CPEB3: variants seen among roughly 807,000 people sequenced by gnomAD.
CPEB3 encodes cytoplasmic polyadenylation element binding protein 3.
CPEB3 carries 20 observed loss-of-function variants against 67.2 expected under a neutral mutation model. The ratio of observed to expected loss-of-function variants is 0.30; its 90% CI spans 0.21 to 0.43. CPEB3 has a LOEUF of 0.43. CPEB3 is among the 20% of genes least tolerant of loss of function. The pLI, the probability that CPEB3 is intolerant of heterozygous loss-of-function variation, is 1.00. For synonymous variants in CPEB3, 376 were observed against 393.1 expected, an observed-to-expected ratio of 0.96 and a Z score of 0.51; for missense variants, 746 against 968.6, an observed-to-expected ratio of 0.77 and a Z score of 3.05.
intron 4 of CPEB3, among the ~76,000 whole-genome samples, chr10:92,166,192 T>A (rs1471354361): frequency 2.0e-5 from 3 of 151,978 alleles, no homozygotes; most frequent in African/African-American, 7.2e-5. Flanking sequence ...CACTGCCACT[T>A]CCGTCTCCCG....
In CPEB3 at chr10:92,052,460, C is replaced by CAT. The variant is rs1419215813; in HGVS notation, c.1870-22_1870-21insAT. On this transcript the variant is annotated intron_variant, in intron 9 of 9. Transcript: ENST00000265997. Reference sequence around the variant, plus strand: ...TCAACCTGGACCCAAAGAGGAAAGACAGAGAAAAATGATTTAGCAAAGCTT... The same window carrying CAT: ...TCAACCTGGACCCAAAGAGGAAAGACATAGAGAAAAATGATTTAGCAAAGCTT... The CAT allele has an allele frequency of 1.9e-6, 3 of 1,591,448 alleles. No individual in the cohort carries two copies. In the Admixed American group the frequency reaches 5.0e-5, roughly 27 times the overall value.
Position 92,091,778 on chromosome 10 carries a change from G to C in CPEB3, c.1687+52C>G, listed in dbSNP as rs149011392. On this transcript the variant is annotated intron_variant, in intron 8 of 9. Transcript: ENST00000265997. ...AAAATATTTAAGACTAAAGGCATTG[G>C]GGATTTTGTTGTTGTTGGTTTTGTT... The C allele has an allele frequency of 1.2e-3, 1,346 of 1,094,776 alleles. 12 individuals are homozygous for C. In the East Asian group the frequency reaches 0.015, roughly 12 times the overall value. The allele number at this position is 1,094,776 out of a possible 1,614,324, so 67.8% of individuals were successfully genotyped here.
intron 3 of CPEB3, among the ~76,000 whole-genome samples, chr10:92,187,165 TC>T (rs1330776786): frequency 6.6e-6 from 1 of 152,212 alleles, no homozygotes; most frequent in African/African-American, 2.4e-5. Context: ...GAAAAATGCC[TC>T]TATAACACCA....
chr10:92,121,021 CTTTT>C (rs1845345328), intron 6 of CPEB3, among the ~76,000 whole-genome samples: 2 of 130,158 alleles, frequency 1.5e-5, no homozygotes, highest in African/African-American at 6.1e-5. Flanking sequence ...TTTTTTTTTT[CTTTT>C]TGAGATGGAG....
chr10:92,133,768 A>G (rs1012693852), intron 6 of CPEB3, among the ~76,000 whole-genome samples: 2 of 152,220 alleles, frequency 1.3e-5, no homozygotes, highest in Admixed American at 6.5e-5. Context: ...AATCCTCAAT[A>G]AAATACTGGC....
chr10:92,111,067 A>G lies in CPEB3; in HGVS notation c.1572+9T>C, dbSNP rs747702289. 5.7e-6 allele frequency: 9 copies of G among 1,574,130 alleles called. No homozygotes were observed. In the South Asian group the frequency reaches 7.8e-5, roughly 14 times the overall value. On this transcript the variant is annotated intron_variant, in intron 7 of 9. Coordinates refer to ENST00000265997, the MANE Select transcript of CPEB3 (RefSeq NM_014912.5). ...CTGGAAAAGCAACAGCTGGCCATGT[A>G]TTACTTACTGGCTTGTCCTTGATGG...
chr10:92,179,376 C>G (rs949192566), intron 4 of CPEB3, among the ~76,000 whole-genome samples: 1 of 152,196 alleles, frequency 6.6e-6, no homozygotes, highest in African/African-American at 2.4e-5. Context: ...TCCTCTCCCT[C>G]TTGCAGAAGA....
At chr10:92,188,443 T>G (rs1233821965) in intron 3 of CPEB3, among the ~76,000 whole-genome samples, 2 of 150,400 alleles carry the variant, frequency 1.3e-5, no homozygotes, top group African/African-American at 4.9e-5. Flanking sequence ...TTAGTCCGGC[T>G]GGGCGCAGTG....
intron 2 of CPEB3, among the ~76,000 whole-genome samples, chr10:92,199,470 A>T (rs1849404850): frequency 6.6e-6 from 1 of 151,382 alleles, no homozygotes; most frequent in Admixed American, 6.6e-5. Context: ...GATCAAGTAG[A>T]TCAAGAGGTC....
chr10:92,253,657 C>G (rs1852401508), intron 1 of CPEB3, among the ~76,000 whole-genome samples: 2 of 151,906 alleles, frequency 1.3e-5, no homozygotes. Context: ...GTGGAATCAT[C>G]ACCAAAGCCC....
intron 4 of CPEB3, among the ~76,000 whole-genome samples, chr10:92,161,201 T>C (rs964217201): frequency 4.6e-5 from 7 of 152,122 alleles, no homozygotes; most frequent in African/African-American, 1.4e-4. Flanking sequence ...GGATGGCATA[T>C]GGGATAGGTA....
At chr10:92,112,686 G>A (rs1051369847) in intron 6 of CPEB3, among the ~76,000 whole-genome samples, 6 of 152,180 alleles carry the variant, frequency 3.9e-5, no homozygotes, top group Non-Finnish European at 8.8e-5. Flanking sequence ...GCAAAGGCCC[G>A]TCATGAACTA....
chr10:92,110,996 C>T (rs1844711121), intron 7 of CPEB3, 80 bp downstream of exon 7: 1 of 1,017,166 alleles, frequency 9.8e-7, no homozygotes, highest in African/African-American at 1.6e-5. Flanking sequence ...ACCAGCATTT[C>T]CATTATCAGA....
intron 1 of CPEB3, among the ~76,000 whole-genome samples, chr10:92,280,494 G>C (rs1479346588): frequency 6.6e-6 from 1 of 151,074 alleles, no homozygotes; most frequent in African/African-American, 2.4e-5. Flanking sequence ...GCTGAGGCAG[G>C]TAGAACACTT....
chr10:92,093,594 C>T (rs751993782), intron 7 of CPEB3, among the ~76,000 whole-genome samples: 1 of 151,544 alleles, frequency 6.6e-6, no homozygotes, highest in African/African-American at 2.4e-5. Context: ...CTCCACCCCC[C>T]AGGTTCAAGA....
In CPEB3 at chr10:92,098,330, C is replaced by T. The variant is rs567305402; in HGVS notation, c.1573-6386G>A. 1.6e-4 allele frequency among the ~76,000 whole-genome samples: 25 copies of T among 151,616 alleles called. 1 individual carries two copies. In the South Asian group the frequency reaches 2.3e-3, roughly 14 times the overall value. On this transcript the variant is annotated intron_variant, in intron 7 of 9. Coordinates refer to ENST00000265997, the MANE Select transcript of CPEB3 (RefSeq NM_014912.5). ...ACTATACCTTACTCTTTTTTTGAGA[C>T]GGAGTTTCGCTCTTGTTGCCCAGGC...
At chr10:92,113,313 G>C (rs1169782754) in intron 6 of CPEB3, among the ~76,000 whole-genome samples, 1 of 152,098 alleles carries the variant, frequency 6.6e-6, no homozygotes, top group Non-Finnish European at 1.5e-5. Flanking sequence ...AAACAGTATT[G>C]AACTATCACC....
chr10:92,107,836 G>T (rs1313860294), intron 7 of CPEB3, among the ~76,000 whole-genome samples: 1 of 152,146 alleles, frequency 6.6e-6, no homozygotes, highest in Non-Finnish European at 1.5e-5. Flanking sequence ...AGTTCCTTCT[G>T]CAATCTTTCA....
intron 9 of CPEB3, among the ~76,000 whole-genome samples, chr10:92,065,532 C>A (rs1349272958): frequency 2.0e-5 from 3 of 152,028 alleles, no homozygotes; most frequent in Non-Finnish European, 4.4e-5. Context: ...AAGAGCATTT[C>A]TAAAATGAGT....
Sources: allele counts gnomAD v4.1 joint callset (sites outside exome capture counted in the v4.1 genomes callset), GRCh38; gene constraint gnomAD v4.1.1; transcripts MANE v1.5; gene names NCBI Gene and HGNC (gene_info 2026-07-23, HGNC 2026-07-21).